The following FAM221A variants were observed in gnomAD, a reference collection of about 807,000 sequenced individuals.
The protein encoded by FAM221A is protein FAM221A.
A neutral mutation model predicts 37.6 loss-of-function variants in FAM221A; 43 were observed. The observed-to-expected ratio is 1.15, with a 90% CI of 0.90 to 1.48. The LOEUF (loss-of-function observed/expected upper bound fraction) is 1.48. Among genes scored for constraint, FAM221A ranks in the 40% most tolerant of loss-of-function variants. FAM221A has a pLI of 0.00. For synonymous variants in FAM221A, 135 were observed against 132.9 expected, an observed-to-expected ratio of 1.02 and a Z score of -0.11; for missense variants, 361 against 361.5, an observed-to-expected ratio of 1.00 and a Z score of 0.01.
At chr7:23,691,320 A>C in intron 3 of FAM221A, 70 bp from the exon 4 acceptor site, 1 of 1,490,256 alleles carries the variant, frequency 6.7e-7, no homozygotes, top group Non-Finnish European at 9.3e-7. Flanking sequence ...GGCTTTTGCC[A>C]GGCTAAGTGT....
Position 23,684,482 on chromosome 7 carries a change from A to G in FAM221A, c.66-17A>G. The G allele has an allele frequency of 1.9e-6, 3 of 1,551,876 alleles. No individual in the cohort carries two copies. The highest frequency in any genetic ancestry group is 2.3e-5 in the South Asian group (2 of 85,654). On this transcript the variant is annotated splice_polypyrimidine_tract_variant and intron_variant, in intron 1 of 6. Transcript: ENST00000344962. ...TAAATACTCAAAGCTTAAGAGAAAT[A>G]TATATTTTTGTTGTAGAATTGTTGG...
intron 5 of FAM221A, 47 bp from the exon 6 acceptor site, chr7:23,700,739 A>G (rs1785370422): frequency 8.7e-7 from 1 of 1,151,206 alleles, no homozygotes; most frequent in Non-Finnish European, 1.2e-6. Context: ...TTTCAGGGGA[A>G]TATGTAATGA....
rs1258684542 is a variant in FAM221A at position 23,702,634 on chromosome 7, T to C, written c.*470T>C. 1.3e-5 allele frequency: 2 copies of C among 151,164 alleles called. No individual in the cohort carries two copies. The highest frequency in any genetic ancestry group is 6.6e-5 in the Admixed American group (1 of 15,070). The allele number at this position is 151,164 out of a possible 1,614,324, so 9.4% of individuals were successfully genotyped here. On this transcript the variant is annotated 3_prime_UTR_variant, in exon 7 of 7. Transcript: ENST00000344962. ...GTTATGTTTTCAAATAAAAACTATC[T>C]CAAAATTTTACAACCATTTTCTAGT...
chr7:23,700,925 G>C (rs980550767), intron 6 of FAM221A, 57 bp downstream of exon 6: 6 of 1,104,482 alleles, frequency 5.4e-6, no homozygotes, highest in Non-Finnish European at 6.7e-6. Context: ...AAAAGCACTA[G>C]AATGATTATA....
At chr7:23,693,816 C>T (rs1172784274) in intron 4 of FAM221A, 9 of 152,116 alleles carry the variant, frequency 5.9e-5, no homozygotes, top group Admixed American at 5.9e-4. Flanking sequence ...TCATTTGAAA[C>T]TCTACCATAT....
At chr7:23,689,635 C>CT (rs1784591513) in intron 3 of FAM221A, among the ~76,000 whole-genome samples, 176 bp downstream of exon 3, 1 of 152,100 alleles carries the variant, frequency 6.6e-6, no homozygotes, top group East Asian at 1.9e-4. Context: ...GATAGATACT[C>CT]TAAGATTTCA....
At chr7:23,684,469 G>A (rs975737475) in intron 1 of FAM221A, 30 bp from the exon 2 acceptor site, 1 of 1,517,796 alleles carries the variant, frequency 6.6e-7, no homozygotes, top group African/African-American at 1.4e-5. Context: ...AATACTCAAA[G>A]CTTAAGAGAA....
Position 23,698,841 on chromosome 7 carries a change from A to G in FAM221A, c.745+542A>G, listed in dbSNP as rs2041341. Among the ~76,000 whole-genome samples, 160 of 152,340 alleles carry G rather than the reference A, an allele frequency of 1.1e-3. 4 individuals are homozygous for G. The East Asian group carries it at 0.028, about 26-fold the overall frequency. ...TCTTTATCTGTATTTTCATACACCT[A>G]GACGTTCCCCACAAGGAATTTTAAG... On this transcript the variant is annotated intron_variant, in intron 5 of 6. Coordinates refer to ENST00000344962, the MANE Select transcript of FAM221A (RefSeq NM_199136.5).
intron 5 of FAM221A, 124 bp downstream of exon 5, chr7:23,698,423 CA>C: frequency 1.5e-6 from 1 of 645,708 alleles, no homozygotes; most frequent in Non-Finnish European, 2.7e-6. Flanking sequence ...GTTAAGCTAT[CA>C]TTTTACTTTC....
intron 4 of FAM221A, among the ~76,000 whole-genome samples, chr7:23,696,235 A>T (rs1785052834): frequency 6.7e-6 from 1 of 150,370 alleles, no homozygotes. Flanking sequence ...TTTTCTAAAT[A>T]TAGAAAAGGT....
chr7:23,688,025 T>C (rs1165916930), intron 2 of FAM221A: 1 of 151,950 alleles, frequency 6.6e-6, no homozygotes, highest in Non-Finnish European at 1.5e-5. Flanking sequence ...GTTAAAATGG[T>C]ATCTCATTTT....
At chr7:23,691,369 T>C in intron 3 of FAM221A, 21 bp from the exon 4 acceptor site, 1 of 1,611,696 alleles carries the variant, frequency 6.2e-7, no homozygotes, top group Non-Finnish European at 8.5e-7. Context: ...AGAATTTAAC[T>C]CCCTTTACAT....
At chr7:23,684,371 T>C (rs1486717213) in intron 1 of FAM221A, 128 bp from the exon 2 acceptor site, 1 of 750,550 alleles carries the variant, frequency 1.3e-6, no homozygotes. Context: ...GCCTGCCACA[T>C]CTGTAAGAAA....
rs146024088 is a variant in FAM221A at position 23,701,528 on chromosome 7, C to T, written c.829-568C>T. Among the ~76,000 whole-genome samples, 616 of 152,214 alleles carry T rather than the reference C, an allele frequency of 4.0e-3. 3 individuals carry two copies. The highest frequency in any genetic ancestry group is 0.017 in the Middle Eastern group (5 of 294). On this transcript the variant is annotated intron_variant, in intron 6 of 6. Transcript: ENST00000344962. ...TGCTGGGATTACAGGCATGAGCCAC[C>T]GCGCCTGGTGCCTATTTTGAATTCT...
chr7:23,702,208 AT>A lies in FAM221A; in HGVS notation c.*45del. 1 of 1,281,008 alleles carries A rather than the reference AT, an allele frequency of 7.8e-7. No individual in the cohort carries two copies. The highest frequency in any genetic ancestry group is 1.1e-6 in the Non-Finnish European group (1 of 923,382). 79.4% of individuals were successfully genotyped at this position (1,281,008 alleles called of 1,614,324 possible). The stretch of plus-strand genomic sequence containing the variant: ...AAACCATCATCCAAGTATCTTTTTC[AT>A]GTTTATTTAAATGTAATAATACAGT... On this transcript the variant is annotated 3_prime_UTR_variant, in exon 7 of 7. Transcript: ENST00000344962.
intron 4 of FAM221A, chr7:23,692,233 C>T (rs1784793963): frequency 2.1e-6 from 2 of 936,686 alleles, no homozygotes; most frequent in African/African-American, 1.8e-5. Flanking sequence ...AGAATGTGTT[C>T]CCTGTCTACT....
At chr7:23,692,565 C>T (rs561896630) in intron 4 of FAM221A, 74 of 591,364 alleles carry the variant, frequency 1.3e-4, no homozygotes, top group African/African-American at 6.0e-4. Flanking sequence ...TGGTCTCGAA[C>T]TCCTGACCTC....
chr7:23,698,603 G>A (rs185827444), intron 5 of FAM221A, among the ~76,000 whole-genome samples: 178 of 152,182 alleles, frequency 1.2e-3, no homozygotes, highest in Non-Finnish European at 2.1e-3. Context: ...GCCTTCTGGC[G>A]GCCTAATTGC....
chr7:23,685,360 A>G (rs551961671), intron 2 of FAM221A, among the ~76,000 whole-genome samples: 1 of 152,328 alleles, frequency 6.6e-6, no homozygotes, highest in South Asian at 2.1e-4. Context: ...ATTTTCCATC[A>G]TATCTTATTA....
Sources: gnomAD v4.1 joint callset for allele counts (sites outside exome capture counted in the v4.1 genomes callset) on GRCh38, gnomAD v4.1.1 for gene constraint, MANE v1.5 for transcripts, NCBI Gene and HGNC (gene_info 2026-07-23, HGNC 2026-07-21) for gene names.